CNTNAP5: variants seen among roughly 807,000 people sequenced by gnomAD.
CNTNAP5 encodes contactin-associated protein-like 5.
In CNTNAP5, 72 loss-of-function variants were observed where a neutral mutation model predicts 150.2. The observed-to-expected ratio is 0.48, with a 90% confidence interval of 0.40 to 0.58. The LOEUF is 0.58. Among genes scored for constraint, CNTNAP5 ranks in the 20% least tolerant of loss-of-function variants. The pLI, the probability that CNTNAP5 is intolerant of heterozygous loss-of-function variation, is 0.00. For synonymous variants in CNTNAP5, 672 were observed against 619.8 expected, an observed-to-expected ratio of 1.08 and a Z score of -1.25; for missense variants, 1,636 against 1,626.2, an observed-to-expected ratio of 1.01 and a Z score of -0.10.
chr2:124,550,877 G>C (rs1025760775), intron 10 of CNTNAP5, among the ~76,000 whole-genome samples: 6 of 152,064 alleles, frequency 3.9e-5, no homozygotes, highest in African/African-American at 1.4e-4. Context: ...AAAGTTCCCA[G>C]GTAGCAATGT....
intron 11 of CNTNAP5, among the ~76,000 whole-genome samples, chr2:124,576,923 T>C (rs1696294727): frequency 6.6e-6 from 1 of 152,224 alleles, no homozygotes; most frequent in African/African-American, 2.4e-5. Flanking sequence ...TGGCCATCTG[T>C]GCGTAGCTTT....
At chr2:124,743,615 G>A (rs535308129) in intron 13 of CNTNAP5, among the ~76,000 whole-genome samples, 10 of 152,288 alleles carry the variant, frequency 6.6e-5, no homozygotes, top group East Asian at 5.8e-4. Flanking sequence ...GTCTCTAGGC[G>A]TTCAGCATTC....
chr2:124,779,257 C>T (rs181884090), intron 17 of CNTNAP5, among the ~76,000 whole-genome samples: 1 of 152,312 alleles, frequency 6.6e-6, no homozygotes, highest in Admixed American at 6.5e-5. Flanking sequence ...AACTGTTGGG[C>T]CCAAGAAGGA....
At chr2:124,402,935 T>G (rs1691467645) in intron 3 of CNTNAP5, among the ~76,000 whole-genome samples, 1 of 152,196 alleles carries the variant, frequency 6.6e-6, no homozygotes, top group South Asian at 2.1e-4. Context: ...TGAAATCCAT[T>G]TTTGCGCTGC....
At chr2:124,204,180 C>G (rs527481159) in intron 1 of CNTNAP5, among the ~76,000 whole-genome samples, 544 of 152,302 alleles carry the variant, frequency 3.6e-3, no homozygotes, top group Non-Finnish European at 6.8e-3. Context: ...TCATCTCTCT[C>G]AAACTCAGAG....
At chr2:124,229,906 C>A (rs1260499435) in intron 2 of CNTNAP5, among the ~76,000 whole-genome samples, 1 of 147,472 alleles carries the variant, frequency 6.8e-6, no homozygotes, top group African/African-American at 2.5e-5. Flanking sequence ...TTTTTTTTTT[C>A]CAAATAGAGT....
At chr2:124,757,530 G>A (rs971613733) in intron 14 of CNTNAP5, among the ~76,000 whole-genome samples, 1 of 152,206 alleles carries the variant, frequency 6.6e-6, no homozygotes, top group Non-Finnish European at 1.5e-5. Context: ...GGTGGTTATA[G>A]GCAAATGCTT....
intron 3 of CNTNAP5, among the ~76,000 whole-genome samples, chr2:124,408,784 GA>G (rs1226221407): frequency 2.0e-5 from 3 of 151,800 alleles, no homozygotes; most frequent in Non-Finnish European, 4.4e-5. Context: ...CAAAGATGGG[GA>G]AAAAACAGAA....
chr2:124,554,427 T>TC (rs1360206354), intron 10 of CNTNAP5, among the ~76,000 whole-genome samples: 1 of 150,666 alleles, frequency 6.6e-6, no homozygotes, highest in East Asian at 1.9e-4. Context: ...TTTTTCTTTT[T>TC]TTTTTTTTTT....
At position 124,418,925 on chromosome 2, in the gene CNTNAP5, G is replaced by T. The variant is rs569497467; in HGVS notation, c.529+1335G>T. On this transcript the variant is annotated intron_variant, in intron 4 of 23. Transcript: ENST00000682447. ...CGAGGCGGGTGGATCACGAGGTCAG[G>T]AGATCGAGACCATCCTGGCTAACAA... Among the ~76,000 whole-genome samples the T allele has an allele frequency of 5.0e-3, 751 of 151,322 alleles. 6 individuals are homozygous for T. Among genetic ancestry groups the T allele is most frequent in the Non-Finnish European group, 7.1e-3 (479 of 67,836 alleles).
At chr2:124,706,461 C>T (rs1679638748) in intron 13 of CNTNAP5, among the ~76,000 whole-genome samples, 1 of 151,956 alleles carries the variant, frequency 6.6e-6, no homozygotes, top group South Asian at 2.1e-4. Context: ...TCAGTGTATC[C>T]TGAGGCTGGG....
intron 14 of CNTNAP5, 116 bp from the exon 15 acceptor site, chr2:124,763,556 T>C (rs2104600117): frequency 1.1e-6 from 1 of 905,548 alleles, no homozygotes; most frequent in Non-Finnish European, 1.7e-6. Flanking sequence ...TTTCCCCCTC[T>C]CTGCCCCTAC....
At chr2:124,477,717 T>C (rs1409986332) in intron 7 of CNTNAP5, among the ~76,000 whole-genome samples, 1 of 151,772 alleles carries the variant, frequency 6.6e-6, no homozygotes, top group Non-Finnish European at 1.5e-5. Flanking sequence ...AGCACACTCA[T>C]TCCTATCCCT....
intron 22 of CNTNAP5, among the ~76,000 whole-genome samples, chr2:124,903,444 G>T (rs1244174238): frequency 1.3e-5 from 2 of 152,080 alleles, no homozygotes; most frequent in African/African-American, 4.8e-5. Flanking sequence ...AGAGAACAGG[G>T]AGGCAGCAAG....
chr2:124,639,988 T>C (rs1419345574), intron 12 of CNTNAP5, among the ~76,000 whole-genome samples: 1 of 152,070 alleles, frequency 6.6e-6, no homozygotes, highest in African/African-American at 2.4e-5. Context: ...CACAAGGCAG[T>C]CTGCCTTCCT....
At chr2:124,602,110 C>T (rs540072643) in intron 11 of CNTNAP5, among the ~76,000 whole-genome samples, 24 of 152,040 alleles carry the variant, frequency 1.6e-4, no homozygotes, top group African/African-American at 4.3e-4. Flanking sequence ...TTTGGGAGGC[C>T]GAGGCGGGTG....
At chr2:124,299,999 G>A (rs1688535706) in intron 3 of CNTNAP5, among the ~76,000 whole-genome samples, 1 of 152,144 alleles carries the variant, frequency 6.6e-6, no homozygotes, top group African/African-American at 2.4e-5. Flanking sequence ...ATTCAAGTAT[G>A]GCTAGGAAGT....
chr2:124,839,461 C>T (rs577855267), intron 19 of CNTNAP5, among the ~76,000 whole-genome samples: 18 of 151,792 alleles, frequency 1.2e-4, no homozygotes, highest in African/African-American at 3.9e-4. Context: ...TTCCCCCTCT[C>T]TCTTTACTCT....
chr2:124,452,346 C>T (rs1427801049), intron 6 of CNTNAP5, among the ~76,000 whole-genome samples: 1 of 152,086 alleles, frequency 6.6e-6, no homozygotes, highest in East Asian at 1.9e-4. Context: ...ACTTCATTGA[C>T]CTGGGAACCT....
Sources: gnomAD v4.1 joint callset for allele counts (sites outside exome capture counted in the v4.1 genomes callset) on GRCh38, gnomAD v4.1.1 for gene constraint, MANE v1.5 for transcripts, NCBI Gene and HGNC (gene_info 2026-07-23, HGNC 2026-07-21) for gene names.